The following PREX1 variants were observed in gnomAD, a reference collection of about 807,000 sequenced individuals.
PREX1 encodes phosphatidylinositol 3,4,5-trisphosphate-dependent Rac exchanger 1 protein.
Under a neutral mutation model 198.3 loss-of-function variants are expected in PREX1, and 41 were observed. The ratio of observed to expected loss-of-function variants is 0.21; its 90% confidence interval spans 0.16 to 0.27. The LOEUF (loss-of-function observed/expected upper bound fraction) is 0.27, where lower values mean the gene tolerates loss of function less well. PREX1 is among the 10% of genes least tolerant of loss of function. The pLI is 1.00. For synonymous variants in PREX1, 843 were observed against 887.2 expected (o/e 0.95, Z 0.89); for missense variants, 1,620 against 2,200.7 (o/e 0.74, Z 5.28).
At chr20:48,773,796 G>A (rs2090248353) in intron 1 of PREX1, among the ~76,000 whole-genome samples, 1 of 152,154 alleles carries the variant, frequency 6.6e-6, no homozygotes, top group Non-Finnish European at 1.5e-5. Flanking sequence ...AGCCATGGAG[G>A]GTTCTGAGCA....
intron 4 of PREX1, among the ~76,000 whole-genome samples, chr20:48,728,501 G>A (rs1376251349): frequency 1.3e-5 from 2 of 152,252 alleles, no homozygotes; most frequent in African/African-American, 2.4e-5. Flanking sequence ...CTCTAGCTGA[G>A]CTGAATGGCC....
At chr20:48,690,901 G>A (rs776039494) in intron 9 of PREX1, 46 bp downstream of exon 9, 54 of 1,610,526 alleles carry the variant, frequency 3.4e-5, no homozygotes, top group South Asian at 5.5e-5. Flanking sequence ...AAGAAGCCAC[G>A]CATAGCTCAG....
At chr20:48,810,842 G>A (rs982833876) in intron 1 of PREX1, among the ~76,000 whole-genome samples, 36 of 146,048 alleles carry the variant, frequency 2.5e-4, no homozygotes, top group African/African-American at 8.9e-4. Flanking sequence ...AGCTGAGATC[G>A]CACCACTGCA....
rs2089259518 is a variant in PREX1, at chr20:48,625,036, A to G, written c.*849T>C. On this transcript the variant is annotated 3_prime_UTR_variant, in exon 40 of 40. Coordinates refer to ENST00000371941, the MANE Select transcript of PREX1 (RefSeq NM_020820.4). Reference sequence around the variant, plus strand: ...AACAATGACATTTTTTAATTTTTCAATAATTTAGTTTTTCTTTTGTGCTCT... The same window carrying G: ...AACAATGACATTTTTTAATTTTTCAGTAATTTAGTTTTTCTTTTGTGCTCT... The G allele has an allele frequency of 6.6e-6, 1 of 152,658 alleles. No individual in the cohort carries two copies. Among genetic ancestry groups the G allele is most frequent in the African/African-American group, 2.4e-5 (1 of 41,466 alleles). 9.5% of individuals were successfully genotyped at this position (152,658 alleles called of 1,614,324 possible). A position where few individuals can be genotyped will look rare whatever the true frequency, so the allele number is the denominator to read the frequency against.
At chr20:48,680,916 C>T (rs1238998210) in intron 11 of PREX1, among the ~76,000 whole-genome samples, 2 of 152,212 alleles carry the variant, frequency 1.3e-5, no homozygotes, top group Middle Eastern at 3.2e-3. Context: ...GTGGTGTGAA[C>T]AGTGCCTGCC....
chr20:48,873,944 G>A, the PREX1 span, among the ~76,000 whole-genome samples: 1 of 151,912 alleles, frequency 6.6e-6, no homozygotes, highest in Non-Finnish European at 1.5e-5. Context: ...ATTACAGTGG[G>A]GCAATCGCAG....
intron 6 of PREX1, among the ~76,000 whole-genome samples, chr20:48,703,954 G>T (rs149146074): frequency 1.3e-5 from 2 of 152,324 alleles, no homozygotes; most frequent in East Asian, 3.9e-4. Flanking sequence ...ATGTGGACCA[G>T]TCAGGACTAG....
intron 1 of PREX1, among the ~76,000 whole-genome samples, chr20:48,750,023 T>C (rs1466157556): frequency 6.6e-6 from 1 of 152,012 alleles, no homozygotes; most frequent in Non-Finnish European, 1.5e-5. Flanking sequence ...AAACTCAGCC[T>C]GTCCAACACT....
At chr20:48,681,810 T>G (rs762552946) in intron 10 of PREX1, among the ~76,000 whole-genome samples, 2 of 151,840 alleles carry the variant, frequency 1.3e-5, no homozygotes, top group African/African-American at 4.8e-5. Context: ...ATGGGGTGGA[T>G]GAAGAAGAGA....
At chr20:48,822,520 G>C (rs2090490572) in intron 1 of PREX1, among the ~76,000 whole-genome samples, 1 of 152,152 alleles carries the variant, frequency 6.6e-6, no homozygotes, top group Non-Finnish European at 1.5e-5. Flanking sequence ...CTTATAAACA[G>C]GGCTTGCAAG....
At chr20:48,823,391 G>C (rs1203265398) in intron 1 of PREX1, among the ~76,000 whole-genome samples, 1 of 152,166 alleles carries the variant, frequency 6.6e-6, no homozygotes, top group East Asian at 1.9e-4. Context: ...GCCTCCTCTA[G>C]GGGAGTGGGG....
chr20:48,639,428 G>A (rs2089391258), intron 30 of PREX1, among the ~76,000 whole-genome samples: 1 of 152,176 alleles, frequency 6.6e-6, no homozygotes, highest in Non-Finnish European at 1.5e-5. Context: ...GATAATAACA[G>A]GAACTCACAC....
chr20:48,884,129 A>C, the PREX1 span, among the ~76,000 whole-genome samples: 5 of 139,680 alleles, frequency 3.6e-5, no homozygotes, highest in African/African-American at 1.1e-4. Context: ...ACAGAGCAAA[A>C]CTCCGTCTAA....
intron 7 of PREX1, among the ~76,000 whole-genome samples, chr20:48,698,913 A>G (rs1226519473): frequency 6.6e-6 from 1 of 152,258 alleles, no homozygotes; most frequent in Non-Finnish European, 1.5e-5. Flanking sequence ...GGATGAGGAA[A>G]CTGAGGCACA....
chr20:48,875,206 T>C, the PREX1 span, among the ~76,000 whole-genome samples: 5 of 152,336 alleles, frequency 3.3e-5, no homozygotes, highest in Admixed American at 6.5e-5. Flanking sequence ...GGAAGGTTTC[T>C]TGGGGAATGA....
chr20:48,649,898 C>T, intron 24 of PREX1, 98 bp downstream of exon 24: 1 of 1,395,482 alleles, frequency 7.2e-7, no homozygotes, highest in Non-Finnish European at 1.0e-6. Flanking sequence ...CATGGAGCCG[C>T]CATTCCAGCC....
At chr20:48,757,495 T>G (rs1352013909) in intron 1 of PREX1, among the ~76,000 whole-genome samples, 1 of 152,198 alleles carries the variant, frequency 6.6e-6, no homozygotes, top group Non-Finnish European at 1.5e-5. Flanking sequence ...AAACAGGGCA[T>G]GAATCACACA....
intron 1 of PREX1, among the ~76,000 whole-genome samples, chr20:48,763,856 G>A (rs1229348451): frequency 6.6e-6 from 1 of 152,130 alleles, no homozygotes; most frequent in Non-Finnish European, 1.5e-5. Context: ...CTGCAGCTTG[G>A]GGTCTTCAGT....
In PREX1 at chr20:48,758,341, G is replaced by C. The variant is rs143136549; in HGVS notation, c.220-10461C>G. On this transcript the variant is annotated intron_variant, in intron 1 of 39. Coordinates refer to ENST00000371941, the MANE Select transcript of PREX1 (RefSeq NM_020820.4). The stretch of plus-strand genomic sequence containing the variant: ...TCCCTGAAAGTGACAGAGCAGCTCA[G>C]AGCAGACAAAGCCATCAGGCAGAGG... Among the ~76,000 whole-genome samples the C allele has an allele frequency of 1.7e-4, 26 of 152,336 alleles. No homozygotes were observed. In the East Asian group the frequency reaches 4.1e-3, roughly 24 times the overall value.
Sources: allele counts gnomAD v4.1 joint callset (sites outside exome capture counted in the v4.1 genomes callset), GRCh38; gene constraint gnomAD v4.1.1; transcripts MANE v1.5; gene names NCBI Gene and HGNC (gene_info 2026-07-23, HGNC 2026-07-21).